The following PRR14L variants were observed in gnomAD, a reference collection of about 807,000 sequenced individuals.
PRR14L encodes the protein protein PRR14L.
Under a neutral mutation model 155.0 loss-of-function variants are expected in PRR14L, and 80 were observed. The observed-to-expected ratio is 0.52, with a 90% confidence interval of 0.43 to 0.62. The LOEUF (loss-of-function observed/expected upper bound fraction) is 0.62, where lower values mean the gene tolerates loss of function less well. Among genes scored for constraint, PRR14L ranks in the 20% least tolerant of loss-of-function variants. The pLI is 0.00. For missense variants in PRR14L, 2,469 were observed against 2,548.0 expected, an observed-to-expected ratio of 0.97 and a Z score of 0.67; for synonymous variants, 883 against 916.0, an observed-to-expected ratio of 0.96 and a Z score of 0.65.
In PRR14L at chr22:31,685,442, A is replaced by G. The variant is rs2074477455; in HGVS notation, c.*85T>C. Reference sequence around the variant, plus strand: ...GGGCAAAATTAGGCAACCTTTTCCAAGGAGGTCCAAAAAAAAAAAAAAAAC... The same window carrying G: ...GGGCAAAATTAGGCAACCTTTTCCAGGGAGGTCCAAAAAAAAAAAAAAAAC... On this transcript the variant is annotated 3_prime_UTR_variant, in exon 9 of 9. Transcript: ENST00000327423. The G allele has an allele frequency of 8.6e-7, 1 of 1,169,424 alleles. No homozygotes were observed. Among genetic ancestry groups the G allele is most frequent in the Non-Finnish European group, 1.1e-6 (1 of 877,718 alleles). The allele number at this position is 1,169,424 out of a possible 1,614,324, so 72.4% of individuals were successfully genotyped here.
In PRR14L at chr22:31,714,134, CA is replaced by C; in HGVS notation, c.3704del (p.Leu1235ArgfsTer6). 1 of 1,551,520 alleles carries C rather than the reference CA, an allele frequency of 6.4e-7. No individual in the cohort carries two copies. The highest frequency in any genetic ancestry group is 8.7e-7 in the Non-Finnish European group (1 of 1,146,944). ...HDESSVSLRSLKSIEIMPSQE... is the reference protein window; with the variant it reads ...HDESSVSLRSXKSIEIMPSQE... ...GAGAAGGCATTATTTCAATGGATTT[CA>C]GGCTTCTTAGGGAAACAGAGCTTTC... On this transcript the variant is annotated frameshift_variant, in exon 4 of 9. Transcript: ENST00000327423. LOFTEE classifies it high-confidence loss of function.
Position 31,685,496 on chromosome 22 carries a change from T to C in PRR14L, c.*31A>G, listed in dbSNP as rs778402091. 4.9e-6 allele frequency: 7 copies of C among 1,436,772 alleles called. No homozygotes were observed. In the South Asian group the frequency reaches 9.8e-5, roughly 20 times the overall value. The allele number at this position is 1,436,772 out of a possible 1,614,324, so 89.0% of individuals were successfully genotyped here. A position where few individuals can be genotyped will look rare whatever the true frequency, so the allele number is the denominator to read the frequency against. ...AAAACAAAACAAAACAAAAAAACCCTAAAATTGAGACCCTCAAACTGAATC... is the reference window on the plus strand; with the variant it reads ...AAAACAAAACAAAACAAAAAAACCCCAAAATTGAGACCCTCAAACTGAATC... On this transcript the variant is annotated 3_prime_UTR_variant, in exon 9 of 9. Transcript: ENST00000327423.
chr22:31,694,356 T>C (rs920782297), intron 7 of PRR14L, among the ~76,000 whole-genome samples: 2 of 152,028 alleles, frequency 1.3e-5, no homozygotes, highest in African/African-American at 4.8e-5. Context: ...AGGCGTGAGC[T>C]ACCACGCCCG....
At position 31,716,360 on chromosome 22, in the gene PRR14L, A is replaced by G. The variant is rs1316364766; in HGVS notation, c.1479T>C (p.His493=). 2 of 1,551,120 alleles carry G rather than the reference A, an allele frequency of 1.3e-6. No individual in the cohort carries two copies. The highest frequency in any genetic ancestry group is 2.4e-5 in the East Asian group (1 of 40,918). The change falls in exon 4 of 9, where the codon CAT becomes CAC. Residue 493 remains histidine (H), a synonymous_variant. Coordinates refer to ENST00000327423, the MANE Select transcript of PRR14L (RefSeq NM_173566.3). ...GGCTCATATTAGTAAAAGTTTCTTT[A>G]TGGTCCTCAGGGTTTGTCAAGTTAC... is the stretch of plus-strand genomic sequence containing the variant. ...VQGNLTNPED[H]KETFTNMSHP... is the part of the protein sequence containing the mutation.
chr22:31,682,020 T>C lies in PRR14L; in HGVS notation c.*3507A>G, dbSNP rs1304171458. On this transcript the variant is annotated 3_prime_UTR_variant, in exon 9 of 9. Coordinates refer to ENST00000327423, the MANE Select transcript of PRR14L (RefSeq NM_173566.3). ...CACCCCAGGGAATGGGAGAAAAGTA[T>C]CACTGCCTAAAAGTTGGTCTTTCGC... is the stretch of plus-strand genomic sequence containing the variant. 6.6e-6 allele frequency: 1 copy of C among 152,198 alleles called. No individual in the cohort carries two copies. Among genetic ancestry groups the C allele is most frequent in the Non-Finnish European group, 1.5e-5 (1 of 68,024 alleles). 9.4% of individuals were successfully genotyped at this position (152,198 alleles called of 1,614,324 possible).
intron 2 of PRR14L, among the ~76,000 whole-genome samples, chr22:31,732,268 G>A (rs1255552428): frequency 2.0e-5 from 3 of 152,208 alleles, no homozygotes; most frequent in African/African-American, 7.2e-5. Flanking sequence ...TGAGTCAACA[G>A]AGCAGGCCTG....
Position 31,703,590 on chromosome 22 carries a change from G to A in PRR14L, c.5960C>T (p.Ala1987Val), listed in dbSNP as rs1467600227. The A allele has an allele frequency of 1.9e-6, 3 of 1,613,838 alleles. No homozygotes were observed. The highest frequency in any genetic ancestry group is 2.7e-5 in the African/African-American group (2 of 74,896). Residue 1987 changes from alanine (A) to valine (V), a missense_variant, in exon 6 of 9, where the codon GCA becomes GTA. Transcript: ENST00000327423. ...GLDELDGVKA[A>V]CPCPQSSPPE... is the part of the protein sequence containing the mutation. The stretch of plus-strand genomic sequence containing the variant: ...GGGGCTGCTCTGTGGGCAGGGGCAT[G>A]CTGCTTTCACACCATCCAGCTCATC...
intron 2 of PRR14L, among the ~76,000 whole-genome samples, chr22:31,727,989 A>AAAAAAGAAAAGAAATTGAATC (rs1457730807): frequency 6.6e-6 from 1 of 151,916 alleles, no homozygotes; most frequent in Non-Finnish European, 1.5e-5. Context: ...AGAAAAAAAA[A>AAAAAAGAAAAGAAATTGAATC]AAAAAGAAAA....
In PRR14L at chr22:31,688,258, G is replaced by A. The variant is rs771944246; in HGVS notation, c.6108-31C>T. On this transcript the variant is annotated intron_variant, in intron 7 of 8. Coordinates refer to ENST00000327423, the MANE Select transcript of PRR14L (RefSeq NM_173566.3). ...AAGAAATAAGGAAAAAAATTCTTCA[G>A]GTTCTCTCTCTCTTTTTTTTTTCAG... 1.9e-6 allele frequency: 3 copies of A among 1,540,904 alleles called. No individual in the cohort carries two copies. The African/African-American group carries it at 4.2e-5, about 22-fold the overall frequency.
At chr22:31,738,012 T>TA (rs34019627) in intron 2 of PRR14L, among the ~76,000 whole-genome samples, 1,436 of 136,364 alleles carry the variant, frequency 0.011, 17 homozygotes, top group African/African-American at 0.032. Flanking sequence ...GAGACCTTCT[T>TA]AAAAAAAAAA....
chr22:31,711,776 C>CAAAAAAAAAAAAAAAAAA (rs757790329), intron 4 of PRR14L, among the ~76,000 whole-genome samples: 1 of 48,732 alleles, frequency 2.1e-5, no homozygotes, highest in Admixed American at 2.7e-4. Flanking sequence ...AAGAGTTAAT[C>CAAAAAAAAAAAAAAAAAA]AAAAAAAAAA....
At chr22:31,707,411 C>T (rs1285295769) in intron 4 of PRR14L, among the ~76,000 whole-genome samples, 3 of 152,104 alleles carry the variant, frequency 2.0e-5, no homozygotes, top group East Asian at 1.9e-4. Context: ...GACGGAGACT[C>T]GCTCTGTCGC....
chr22:31,700,874 T>C (rs5753763), intron 7 of PRR14L, among the ~76,000 whole-genome samples: 2 of 151,772 alleles, frequency 1.3e-5, no homozygotes, highest in East Asian at 2.0e-4. Flanking sequence ...AGCTTAAGTG[T>C]TGGGAATTCT....
At chr22:31,736,752 T>C (rs959731763) in intron 2 of PRR14L, among the ~76,000 whole-genome samples, 6 of 151,946 alleles carry the variant, frequency 3.9e-5, no homozygotes, top group Non-Finnish European at 5.9e-5. Flanking sequence ...AAAGAGACCA[T>C]ATGAGGCCAG....
Position 31,713,845 on chromosome 22 carries a change from T to G in PRR14L, c.3994A>C (p.Lys1332Gln), listed in dbSNP as rs774420654. Residue 1332 changes from lysine to glutamine, a missense_variant, in exon 4 of 9, where the codon AAA (lysine) becomes CAA (glutamine). This residue lies in a region of PRR14L where 2,363 missense variants were observed against 2,371.6 expected (regional missense o/e 1.00). Transcript: ENST00000327423. ...TCTTCGGTTTCTTCTCCTTTCACTT[T>G]AATATCTGTTTTCACTGTCAAAGGC... ...HLPLTVKTDI[K>Q]VKGEETEEHQ... The G allele has an allele frequency of 1.9e-6, 3 of 1,552,334 alleles. No homozygotes were observed. The highest frequency in any genetic ancestry group is 8.7e-7 in the Non-Finnish European group (1 of 1,147,124).
At chr22:31,730,922 C>T (rs1344350632) in intron 2 of PRR14L, among the ~76,000 whole-genome samples, 1 of 152,092 alleles carries the variant, frequency 6.6e-6, no homozygotes, top group Non-Finnish European at 1.5e-5. Flanking sequence ...ATGGGTACTA[C>T]AGGTTGCTGC....
intron 6 of PRR14L, among the ~76,000 whole-genome samples, chr22:31,703,034 T>C (rs369071892): frequency 5.6e-4 from 84 of 151,206 alleles, no homozygotes; most frequent in Non-Finnish European, 1.0e-3. Flanking sequence ...CAGGCTGCTA[T>C]TGAACTCCTG....
In PRR14L at chr22:31,704,650, C is replaced by A; in HGVS notation, c.5828+5G>T. 6.2e-7 allele frequency: 1 copy of A among 1,613,158 alleles called. No homozygotes were observed. The highest frequency in any genetic ancestry group is 8.5e-7 in the Non-Finnish European group (1 of 1,179,272). ...GCACACACACGCTGAGTCTCATGTG[C>A]TTACCTCGTCTGACTGCCGCTGGTG... is the stretch of plus-strand genomic sequence containing the variant. On this transcript the variant is annotated splice_donor_5th_base_variant and intron_variant, in intron 5 of 8. Coordinates refer to ENST00000327423, the MANE Select transcript of PRR14L (RefSeq NM_173566.3).
chr22:31,749,013 A>G (rs2074856323), intron 1 of PRR14L, among the ~76,000 whole-genome samples: 1 of 152,306 alleles, frequency 6.6e-6, no homozygotes, highest in Non-Finnish European at 1.5e-5. Context: ...GCATGCATGG[A>G]AAAATATGCT....
Sources: gnomAD v4.1 joint callset for allele counts (sites outside exome capture counted in the v4.1 genomes callset) on GRCh38, gnomAD v4.1.1 for gene constraint, gnomAD v4.1.1 regional missense constraint, MANE v1.5 for transcripts, NCBI Gene and HGNC (gene_info 2026-07-23, HGNC 2026-07-21) for gene names.